The following PXDNL variants were observed in gnomAD, a reference collection of about 807,000 sequenced individuals.
The protein encoded by PXDNL is probable oxidoreductase PXDNL.
In PXDNL, 145 loss-of-function variants were observed where a neutral mutation model predicts 150.8. That is an observed-to-expected ratio of 0.96 (90% confidence interval 0.84 to 1.10). The LOEUF is 1.10. Ranked by LOEUF, PXDNL falls within the 50% of genes least tolerant of loss-of-function variation. PXDNL has a pLI of 0.00. For missense variants in PXDNL, 2,087 were observed against 1,873.9 expected (o/e 1.11, Z -2.10); for synonymous variants, 757 against 725.7 (o/e 1.04, Z -0.69).
chr8:51,773,810 T>G (rs1453971872), intron 1 of PXDNL, among the ~76,000 whole-genome samples: 1 of 152,240 alleles, frequency 6.6e-6, no homozygotes, highest in East Asian at 1.9e-4. Context: ...TTTTCAGCAG[T>G]AATCCATTTG....
intron 14 of PXDNL, 27 bp from the exon 15 acceptor site, chr8:51,413,285 A>T (rs1381951029): frequency 7.2e-7 from 1 of 1,385,380 alleles, no homozygotes; most frequent in Non-Finnish European, 1.0e-6. Flanking sequence ...CATGATTAAA[A>T]ATATCAAACA....
chr8:51,679,340 C>T (rs1460580812), intron 1 of PXDNL, among the ~76,000 whole-genome samples: 1 of 152,040 alleles, frequency 6.6e-6, no homozygotes. Context: ...CCCCTTAAGC[C>T]CCAGTCTTCT....
intron 4 of PXDNL, among the ~76,000 whole-genome samples, chr8:51,514,511 C>T (rs939160465): frequency 6.6e-6 from 1 of 152,120 alleles, no homozygotes; most frequent in Non-Finnish European, 1.5e-5. Context: ...TTTGATAATT[C>T]AAATGTTTAT....
chr8:51,743,967 G>GAA (rs2036937029), intron 1 of PXDNL, among the ~76,000 whole-genome samples: 1 of 78,918 alleles, frequency 1.3e-5, no homozygotes, highest in Non-Finnish European at 2.8e-5. Flanking sequence ...AAAAAAGAGA[G>GAA]AGAAAAAAGA....
intron 1 of PXDNL, among the ~76,000 whole-genome samples, chr8:51,667,703 A>G (rs1815414007): frequency 6.6e-6 from 1 of 152,228 alleles, no homozygotes; most frequent in Non-Finnish European, 1.5e-5. Flanking sequence ...ACAAGAGCTA[A>G]GGGCTATTCA....
At chr8:51,649,537 C>T (rs1037119288) in intron 2 of PXDNL, among the ~76,000 whole-genome samples, 3 of 152,062 alleles carry the variant, frequency 2.0e-5, no homozygotes, top group Admixed American at 6.6e-5. Context: ...CTCAAGGTCA[C>T]ATATTTAGTC....
intron 2 of PXDNL, among the ~76,000 whole-genome samples, chr8:51,600,491 CGTTT>C (rs1585610494): frequency 6.2e-5 from 7 of 112,874 alleles, no homozygotes; most frequent in East Asian, 2.4e-4. Context: ...TAAATTATAT[CGTTT>C]AGATAATAAA....
chr8:51,428,916 G>A (rs10097330), intron 12 of PXDNL, among the ~76,000 whole-genome samples: 111,178 of 151,214 alleles, frequency 0.74, 42,320 homozygotes, highest in Non-Finnish European at 0.84. Flanking sequence ...AGTTATAGAC[G>A]GAGAAAATAT....
chr8:51,346,637 C>CA (rs1225483066), intron 19 of PXDNL, among the ~76,000 whole-genome samples: 1 of 152,148 alleles, frequency 6.6e-6, no homozygotes, highest in Non-Finnish European at 1.5e-5. Context: ...GCGGCTCCCT[C>CA]ACGTCTTTGT....
At chr8:51,514,829 A>C (rs1811501476) in intron 4 of PXDNL, among the ~76,000 whole-genome samples, 1 of 152,200 alleles carries the variant, frequency 6.6e-6, no homozygotes, top group Admixed American at 6.5e-5. Flanking sequence ...GACCTCCAGA[A>C]ACCAAAGTAT....
chr8:51,772,941 G>A (rs572207166), intron 1 of PXDNL, among the ~76,000 whole-genome samples: 4 of 152,282 alleles, frequency 2.6e-5, no homozygotes, highest in African/African-American at 9.6e-5. Context: ...TAATGTGCCT[G>A]CTATGGTTCC....
In PXDNL at chr8:51,408,190, C is replaced by T. The variant is rs1808489877; in HGVS notation, c.3434G>A (p.Gly1145Asp). The change falls in exon 17 of 23, where the codon GGT becomes GAT. Residue 1145 changes from glycine to aspartate, a missense_variant. Physicochemically the swap from Gly to Asp is moderately conservative, Grantham distance 94. Transcript: ENST00000356297. The stretch of plus-strand genomic sequence containing the variant: ...ATATGGTGGGATCCCGTGGTCTCTA[C>T]CCCTTTGAATGATGGTGGCAGCCGA... Reference protein sequence around the residue: ...VDSAATIIQRGRDHGIPPYVD... With the variant: ...VDSAATIIQRDRDHGIPPYVD... The T allele has an allele frequency of 3.1e-6, 5 of 1,614,030 alleles. No homozygotes were observed. Among genetic ancestry groups the T allele is most frequent in the Non-Finnish European group, 3.4e-6 (4 of 1,179,902 alleles).
chr8:51,405,151 G>A (rs977245391), intron 17 of PXDNL, among the ~76,000 whole-genome samples: 5 of 152,206 alleles, frequency 3.3e-5, no homozygotes, highest in African/African-American at 4.8e-5. Flanking sequence ...TGGCCCGCCC[G>A]CGCCTCTCCT....
intron 20 of PXDNL, among the ~76,000 whole-genome samples, chr8:51,342,741 A>G (rs1806026886): frequency 6.6e-6 from 1 of 152,170 alleles, no homozygotes; most frequent in South Asian, 2.1e-4. Context: ...ACTCTGTGTC[A>G]CTTAACTGCC....
intron 17 of PXDNL, among the ~76,000 whole-genome samples, chr8:51,394,869 T>A (rs1808032430): frequency 6.6e-6 from 1 of 152,186 alleles, no homozygotes; most frequent in Non-Finnish European, 1.5e-5. Flanking sequence ...AGGCACTTGA[T>A]TGTGGAATAC....
In PXDNL at chr8:51,632,236, A is replaced by G. The variant is rs1814505287; in HGVS notation, c.236+22453T>C. ...TTAATAATGGATAGAACATGTAGAC[A>G]GAAGATAAATAACAATATAGAGGAC... On this transcript the variant is annotated intron_variant, in intron 2 of 22. Transcript: ENST00000356297. Among the ~76,000 whole-genome samples, 3 of 152,236 alleles carry G rather than the reference A, an allele frequency of 2.0e-5. No individual in the cohort carries two copies. In the South Asian group the frequency reaches 6.2e-4, roughly 31 times the overall value.
chr8:51,725,301 G>C (rs1816801664), intron 1 of PXDNL, among the ~76,000 whole-genome samples: 1 of 152,094 alleles, frequency 6.6e-6, no homozygotes, highest in Non-Finnish European at 1.5e-5. Context: ...ACAGTGGGTG[G>C]GCATGTCGGT....
intron 14 of PXDNL, among the ~76,000 whole-genome samples, chr8:51,419,532 G>A (rs1004393279): frequency 3.9e-5 from 6 of 152,142 alleles, no homozygotes; most frequent in African/African-American, 1.4e-4. Context: ...CAAAGTGGCC[G>A]AGATCAGTGA....
intron 3 of PXDNL, among the ~76,000 whole-genome samples, chr8:51,580,764 C>G (rs1813192250): frequency 6.6e-6 from 1 of 152,014 alleles, no homozygotes; most frequent in African/African-American, 2.4e-5. Context: ...ATGACAAACT[C>G]AAATATTGAA....
Sources: allele counts gnomAD v4.1 joint callset (sites outside exome capture counted in the v4.1 genomes callset), GRCh38; gene constraint gnomAD v4.1.1; transcripts MANE v1.5; gene names NCBI Gene and HGNC (gene_info 2026-07-23, HGNC 2026-07-21).